The following SENP7 variants were observed in gnomAD, a reference collection of about 807,000 sequenced individuals.
SENP7 encodes SUMO specific peptidase 7.
SENP7 carries 64 observed loss-of-function variants against 141.2 expected under a neutral mutation model. The ratio of observed to expected loss-of-function variants is 0.45; its 90% confidence interval spans 0.37 to 0.56. The LOEUF (loss-of-function observed/expected upper bound fraction) is 0.56, where lower values mean the gene tolerates loss of function less well. Among genes scored for constraint, SENP7 ranks in the 20% least tolerant of loss-of-function variants. The pLI, the probability that SENP7 is intolerant of heterozygous loss-of-function variation, is 0.00. For synonymous variants in SENP7, 382 were observed against 426.4 expected, an observed-to-expected ratio of 0.90 and a Z score of 1.28; for missense variants, 1,025 against 1,212.2, an observed-to-expected ratio of 0.85 and a Z score of 2.29.
At chr3:101,427,354 G>C (rs2061994965) in intron 4 of SENP7, among the ~76,000 whole-genome samples, 2 of 151,954 alleles carry the variant, frequency 1.3e-5, no homozygotes, top group Admixed American at 1.3e-4. Flanking sequence ...CCCGGGAGTG[G>C]TGGTGCACAC....
intron 5 of SENP7, among the ~76,000 whole-genome samples, chr3:101,409,767 C>T (rs546346164): frequency 1.4e-4 from 22 of 152,286 alleles, no homozygotes; most frequent in African/African-American, 5.1e-4. Flanking sequence ...TCATCTCTCA[C>T]CTTGTACAAA....
At chr3:101,494,703 C>A (rs550235755) in intron 2 of SENP7, among the ~76,000 whole-genome samples, 1 of 152,192 alleles carries the variant, frequency 6.6e-6, no homozygotes, top group South Asian at 2.1e-4. Flanking sequence ...GGAAATAATT[C>A]TCTATTTAAT....
intron 6 of SENP7, among the ~76,000 whole-genome samples, chr3:101,394,520 T>A (rs2107558518): frequency 6.6e-6 from 1 of 152,018 alleles, no homozygotes; most frequent in African/African-American, 2.4e-5. Flanking sequence ...TTAAAAATTT[T>A]TTTTTTTTTT....
Position 101,325,944 on chromosome 3 carries a change from T to A in SENP7, c.3152A>T (p.Ter1051LeuextTer45). Residue 1051 changes from the stop codon to leucine (L), a stop_lost, in exon 24 of 24, where the codon TAG becomes TTG. Transcript: ENST00000394095. ...HLQQQKGSSS[*>L] The stretch of plus-strand genomic sequence containing the variant: ...CTGTGTCATGTTTGTACAGATTAAC[T>A]AGCTACTGCTGCCCTTCTGTTGCTG... 6.2e-7 allele frequency: 1 copy of A among 1,607,660 alleles called. No individual in the cohort carries two copies.
At chr3:101,351,911 T>C (rs1180818062) in intron 11 of SENP7, among the ~76,000 whole-genome samples, 1 of 151,956 alleles carries the variant, frequency 6.6e-6, no homozygotes, top group Non-Finnish European at 1.5e-5. Context: ...TTCAAAAATG[T>C]TTTCTGAAAA....
intron 3 of SENP7, among the ~76,000 whole-genome samples, chr3:101,467,602 T>A (rs1179944418): frequency 6.6e-6 from 1 of 152,216 alleles, no homozygotes; most frequent in Non-Finnish European, 1.5e-5. Flanking sequence ...CCAACAGACC[T>A]GCAGCTGAGG....
chr3:101,443,254 A>G (rs2062751600), intron 4 of SENP7, among the ~76,000 whole-genome samples: 1 of 152,168 alleles, frequency 6.6e-6, no homozygotes, highest in Admixed American at 6.5e-5. Context: ...AAGATCAGAT[A>G]GTTGTAGATA....
chr3:101,344,045 G>A, intron 13 of SENP7, 91 bp from the exon 14 acceptor site: 6 of 889,172 alleles, frequency 6.7e-6, no homozygotes, highest in South Asian at 6.2e-5. Flanking sequence ...TAGTAAGGTT[G>A]GAATATAACC....
chr3:101,340,058 C>A (rs200355446), intron 16 of SENP7, 37 bp downstream of exon 16: 6 of 1,499,692 alleles, frequency 4.0e-6, no homozygotes, highest in Middle Eastern at 2.2e-4. Context: ...TCAGTAAAAT[C>A]TGTAAAATAT....
chr3:101,415,483 G>A (rs12152522), intron 5 of SENP7, among the ~76,000 whole-genome samples: 3,897 of 152,004 alleles, frequency 0.026, 59 homozygotes, highest in Non-Finnish European at 0.042. Flanking sequence ...ATCTAGGAAT[G>A]AACAGTAAAA....
intron 3 of SENP7, among the ~76,000 whole-genome samples, chr3:101,483,198 GC>G (rs1190747175): frequency 7.2e-5 from 11 of 152,200 alleles, no homozygotes; most frequent in African/African-American, 2.6e-4. Context: ...CAACCTAGGT[GC>G]CCATCAGTGG....
intron 3 of SENP7, among the ~76,000 whole-genome samples, chr3:101,479,459 A>C (rs9852096): frequency 0.19 from 28,235 of 152,018 alleles, 3,142 homozygotes; most frequent in Admixed American, 0.36. Flanking sequence ...AATAAAAATT[A>C]GCCAGGCATG....
intron 1 of SENP7, 87 bp downstream of exon 1, chr3:101,513,004 C>A: frequency 2.7e-6 from 4 of 1,477,560 alleles, no homozygotes; most frequent in Non-Finnish European, 3.8e-6. Context: ...CCCGCGGCTT[C>A]GGGCCGCAAC....
At chr3:101,449,960 G>A (rs531050605) in intron 4 of SENP7, among the ~76,000 whole-genome samples, 1 of 152,226 alleles carries the variant, frequency 6.6e-6, no homozygotes, top group African/African-American at 2.4e-5. Flanking sequence ...GCTATATTCA[G>A]GAAACCCATT....
intron 3 of SENP7, among the ~76,000 whole-genome samples, chr3:101,475,511 C>T (rs1262514654): frequency 6.6e-6 from 1 of 152,072 alleles, no homozygotes; most frequent in Non-Finnish European, 1.5e-5. Context: ...AATGAGAACA[C>T]ACTGGTGGGG....
At chr3:101,364,759 G>T in intron 10 of SENP7, 75 bp downstream of exon 10, 1 of 1,084,750 alleles carries the variant, frequency 9.2e-7, no homozygotes, top group Non-Finnish European at 1.3e-6. Flanking sequence ...TATTCAGCTT[G>T]ATAAAACAAA....
At chr3:101,442,373 T>C (rs1316169917) in intron 4 of SENP7, among the ~76,000 whole-genome samples, 1 of 152,178 alleles carries the variant, frequency 6.6e-6, no homozygotes, top group Non-Finnish European at 1.5e-5. Context: ...TCATCAGGCA[T>C]GAGATTCTCA....
Position 101,470,297 on chromosome 3 carries a change from G to T in SENP7, c.187-11245C>A, listed in dbSNP as rs554339597. Reference sequence around the variant, plus strand: ...CGAATCCAGCAGCACATCAAAAAGCGTATCCACCACAATCAAGTCGGCTTC... The same window carrying T: ...CGAATCCAGCAGCACATCAAAAAGCTTATCCACCACAATCAAGTCGGCTTC... On this transcript the variant is annotated intron_variant, in intron 3 of 23. Transcript: ENST00000394095. Among the ~76,000 whole-genome samples, 4 of 152,208 alleles carry T rather than the reference G, an allele frequency of 2.6e-5. No individual in the cohort carries two copies. The South Asian group carries it at 8.3e-4, about 32-fold the overall frequency.
intron 4 of SENP7, among the ~76,000 whole-genome samples, chr3:101,439,981 C>A (rs1160769588): frequency 1.2e-5 from 1 of 80,922 alleles, no homozygotes; most frequent in Non-Finnish European, 2.9e-5. Context: ...CCAGCCGCCC[C>A]GTCTGGGAGG....
Sources: allele counts gnomAD v4.1 joint callset (sites outside exome capture counted in the v4.1 genomes callset), GRCh38; gene constraint gnomAD v4.1.1; transcripts MANE v1.5; gene names NCBI Gene and HGNC (gene_info 2026-07-23, HGNC 2026-07-21).